The following ZMAT4 variants were observed in gnomAD, a reference collection of about 807,000 sequenced individuals.
ZMAT4 encodes the protein zinc finger matrin-type 4, also known as zinc finger matrin-type protein 4.
ZMAT4 carries 17 observed loss-of-function variants against 28.7 expected under a neutral mutation model. That is an observed-to-expected ratio of 0.59 (90% CI 0.41 to 0.89). ZMAT4 has a LOEUF of 0.89. ZMAT4 is among the 40% of genes least tolerant of loss of function. ZMAT4 has a pLI of 0.00. For synonymous variants in ZMAT4, 117 were observed against 109.2 expected (o/e 1.07, Z -0.44); for missense variants, 240 against 283.8 (o/e 0.85, Z 1.11).
At chr8:40,683,091 G>C (rs1809246494) in intron 4 of ZMAT4, among the ~76,000 whole-genome samples, 1 of 152,112 alleles carries the variant, frequency 6.6e-6, no homozygotes, top group East Asian at 1.9e-4. Context: ...ACCTAGAACT[G>C]GGCTTGGCAC....
chr8:40,716,457 C>A (rs773757473), intron 3 of ZMAT4, among the ~76,000 whole-genome samples: 1 of 152,012 alleles, frequency 6.6e-6, no homozygotes, highest in Non-Finnish European at 1.5e-5. Context: ...TTTGGGAGGC[C>A]GAGGCAGGCA....
intron 5 of ZMAT4, among the ~76,000 whole-genome samples, chr8:40,586,700 A>G (rs1050184600): frequency 7.2e-5 from 11 of 152,206 alleles, no homozygotes; most frequent in Non-Finnish European, 1.3e-4. Context: ...TATGACTTCA[A>G]TTGTATCCAT....
At chr8:40,581,592 T>C (rs1403544681) in intron 5 of ZMAT4, among the ~76,000 whole-genome samples, 1 of 152,202 alleles carries the variant, frequency 6.6e-6, no homozygotes, top group Non-Finnish European at 1.5e-5. Flanking sequence ...TAATACACTG[T>C]CATCTCTGCA....
At chr8:40,878,871 T>C (rs1563261735) in intron 1 of ZMAT4, among the ~76,000 whole-genome samples, 1 of 152,190 alleles carries the variant, frequency 6.6e-6, no homozygotes, top group Non-Finnish European at 1.5e-5. Flanking sequence ...CATGTTCTAT[T>C]AGCATTGAGT....
intron 6 of ZMAT4, among the ~76,000 whole-genome samples, chr8:40,548,118 A>T (rs1803258418): frequency 6.6e-6 from 1 of 152,162 alleles, no homozygotes; most frequent in South Asian, 2.1e-4. Flanking sequence ...AAGAAGGGTG[A>T]GAAGTTGGAA....
In ZMAT4 at chr8:40,813,250, C is replaced by T. The variant is rs141266114; in HGVS notation, c.102+12325G>A. ...TATATAAATAAAAGTCATATCAAAC[C>T]TCATGAATTAGTTGCCCATGAGGGC... On this transcript the variant is annotated intron_variant, in intron 2 of 6. Coordinates refer to ENST00000297737, the MANE Select transcript of ZMAT4 (RefSeq NM_024645.3). Among the ~76,000 whole-genome samples, 53 of 152,172 alleles carry T rather than the reference C, an allele frequency of 3.5e-4. No individual in the cohort carries two copies. The East Asian group carries it at 0.01, about 29-fold the overall frequency.
intron 5 of ZMAT4, among the ~76,000 whole-genome samples, chr8:40,600,974 A>G (rs1805283310): frequency 6.6e-6 from 1 of 152,188 alleles, no homozygotes; most frequent in Non-Finnish European, 1.5e-5. Context: ...ACTGCCAGGC[A>G]TATGTCATAG....
At chr8:40,742,084 C>CAAAAAAA (rs761846118) in intron 3 of ZMAT4, among the ~76,000 whole-genome samples, 682 of 8,464 alleles carry the variant, frequency 0.081, 8 homozygotes, top group African/African-American at 0.14. Flanking sequence ...ACTAAAAATA[C>CAAAAAAA]AAAAAAAAAC....
intron 1 of ZMAT4, among the ~76,000 whole-genome samples, chr8:40,896,525 G>A (rs2150675698): frequency 6.6e-6 from 1 of 152,328 alleles, no homozygotes; most frequent in African/African-American, 2.4e-5. Context: ...GAAAGTTCGA[G>A]ACCAAGCACA....
chr8:40,604,997 CTT>C (rs1805530893), intron 5 of ZMAT4, among the ~76,000 whole-genome samples: 1 of 152,004 alleles, frequency 6.6e-6, no homozygotes, highest in South Asian at 2.1e-4. Flanking sequence ...CCTGAATAAT[CTT>C]TTGTATTTCT....
chr8:40,756,623 AAG>A (rs1812708241), intron 3 of ZMAT4, among the ~76,000 whole-genome samples: 1 of 91,438 alleles, frequency 1.1e-5, no homozygotes, highest in South Asian at 4.5e-4. Context: ...TTATGTTTGT[AAG>A]TGTGTGTGTG....
intron 2 of ZMAT4, among the ~76,000 whole-genome samples, chr8:40,803,344 C>G (rs1814934263): frequency 6.6e-6 from 1 of 152,096 alleles, no homozygotes; most frequent in African/African-American, 2.4e-5. Flanking sequence ...TAATTCCCTA[C>G]CCAAAAGATA....
intron 2 of ZMAT4, among the ~76,000 whole-genome samples, chr8:40,806,984 T>G (rs2150592411): frequency 6.6e-6 from 1 of 152,008 alleles, no homozygotes; most frequent in South Asian, 2.1e-4. Context: ...CTTATGCTAT[T>G]TGGCTGACCT....
intron 3 of ZMAT4, among the ~76,000 whole-genome samples, chr8:40,706,066 T>A (rs1810336408): frequency 6.6e-6 from 1 of 152,098 alleles, no homozygotes; most frequent in African/African-American, 2.4e-5. Flanking sequence ...TATTGGTTGT[T>A]TTTTCTTTTG....
intron 5 of ZMAT4, among the ~76,000 whole-genome samples, chr8:40,613,626 G>A (rs1261624923): frequency 6.6e-6 from 1 of 152,172 alleles, no homozygotes; most frequent in Non-Finnish European, 1.5e-5. Context: ...ATCTGCTTCT[G>A]TATTAAATGT....
intron 5 of ZMAT4, among the ~76,000 whole-genome samples, chr8:40,615,104 CT>C (rs936904042): frequency 3.9e-4 from 60 of 152,222 alleles, no homozygotes; most frequent in Non-Finnish European, 7.5e-4. Flanking sequence ...TTCAGGAGCT[CT>C]TTTAGGGCAG....
chr8:40,863,338 G>A (rs1177874632), intron 1 of ZMAT4, among the ~76,000 whole-genome samples: 1 of 152,206 alleles, frequency 6.6e-6, no homozygotes, highest in Non-Finnish European at 1.5e-5. Flanking sequence ...ATTATGGAGG[G>A]CTGTTCCAGA....
chr8:40,826,292 A>C (rs1231131759), intron 1 of ZMAT4, among the ~76,000 whole-genome samples: 2 of 152,200 alleles, frequency 1.3e-5, no homozygotes, highest in Non-Finnish European at 2.9e-5. Context: ...TTCAGGGAAC[A>C]TTAGGAAAAG....
At chr8:40,720,882 G>A (rs967891671) in intron 3 of ZMAT4, among the ~76,000 whole-genome samples, 2 of 152,114 alleles carry the variant, frequency 1.3e-5, no homozygotes, top group Non-Finnish European at 2.9e-5. Context: ...TAAGGTGGGA[G>A]GGAGGGAAGG....
Sources: gnomAD v4.1 joint callset for allele counts (sites outside exome capture counted in the v4.1 genomes callset) on GRCh38, gnomAD v4.1.1 for gene constraint, MANE v1.5 for transcripts, NCBI Gene and HGNC (gene_info 2026-07-23, HGNC 2026-07-21) for gene names.